The following MPP2 variants were observed in gnomAD, a reference collection of about 807,000 sequenced individuals.
MPP2 encodes MAGUK p55 subfamily member 2.
Under a neutral mutation model 58.5 loss-of-function variants are expected in MPP2, and 42 were observed. The ratio of observed to expected loss-of-function variants is 0.72; its 90% CI spans 0.56 to 0.93. MPP2 has a LOEUF of 0.93. Among genes scored for constraint, MPP2 ranks in the 40% least tolerant of loss-of-function variants. The pLI, the probability that MPP2 is intolerant of heterozygous loss-of-function variation, is 0.00. For missense variants in MPP2, 632 were observed against 760.4 expected, an observed-to-expected ratio of 0.83 and a Z score of 1.99; for synonymous variants, 300 against 307.8, an observed-to-expected ratio of 0.97 and a Z score of 0.26.
At chr17:43,903,408 C>T (rs531011336) in intron 2 of MPP2, among the ~76,000 whole-genome samples, 45 of 152,288 alleles carry the variant, frequency 3.0e-4, no homozygotes, top group African/African-American at 1.0e-3. Context: ...AAAATAACAA[C>T]TCAGGCCAGG....
chr17:43,877,051 T>A lies in MPP2; in HGVS notation c.*756A>T, dbSNP rs567914846. The A allele has an allele frequency of 6.5e-6, 1 of 152,878 alleles. No homozygotes were observed. Among genetic ancestry groups the A allele is most frequent in the African/African-American group, 2.4e-5 (1 of 41,604 alleles). 9.5% of individuals were successfully genotyped at this position (152,878 alleles called of 1,614,324 possible). On this transcript the variant is annotated 3_prime_UTR_variant, in exon 13 of 13. Transcript: ENST00000269095. The stretch of plus-strand genomic sequence containing the variant: ...CTGCCCCTACCTGGGCTGAGCCCAC[T>A]GGCCCCTGCCAGCCTGGCCCTGTGG...
rs374802065 is a variant in MPP2 at position 43,877,876 on chromosome 17, G to T, written c.1590C>A (p.Arg530=). ...GCTTCTCCATGGCTGTCTGGAGCTC[G>T]CGGAAGGTCCTCTCCAGGTTGCTAT... is the stretch of plus-strand genomic sequence containing the variant. ...LVNSNLERTF[R]ELQTAMEKLR... is the part of the protein sequence containing the mutation. Residue 530 remains arginine (R), a synonymous_variant, in exon 13 of 13, where the codon CGC becomes CGA. Coordinates refer to ENST00000269095, the MANE Select transcript of MPP2 (RefSeq NM_005374.5). The T allele has an allele frequency of 6.8e-6, 11 of 1,614,048 alleles. No individual in the cohort carries two copies. Among genetic ancestry groups the T allele is most frequent in the Non-Finnish European group, 9.3e-6 (11 of 1,179,936 alleles).
Position 43,879,645 on chromosome 17 carries a change from C to T in MPP2, c.1353+137G>A, listed in dbSNP as rs1393005679. Reference sequence around the variant, plus strand: ...AAGGCTGAGAAAGGTTCCAGGTGGGCTGGGTTTCTAGCAGTAGTTGAGGGC... The same window carrying T: ...AAGGCTGAGAAAGGTTCCAGGTGGGTTGGGTTTCTAGCAGTAGTTGAGGGC... On this transcript the variant is annotated intron_variant, in intron 11 of 12. Transcript: ENST00000269095. The surrounding 1 kb of genome is among the most constrained non-coding windows in gnomAD (Gnocchi z 4.1). 1 of 1,107,486 alleles carries T rather than the reference C, an allele frequency of 9.0e-7. No individual in the cohort carries two copies. Among genetic ancestry groups the T allele is most frequent in the East Asian group, 2.6e-5 (1 of 38,674 alleles). The allele number at this position is 1,107,486 out of a possible 1,614,324, so 68.6% of individuals were successfully genotyped here.
At chr17:43,907,690 G>A, upstream of MPP2, 1 of 985,710 alleles carries the variant, frequency 1.0e-6, no homozygotes, top group Non-Finnish European at 1.2e-6. Flanking sequence ...CAGCCAGGTA[G>A]TGGTTTGGGA....
At chr17:43,907,593 G>T, upstream of MPP2, 1 of 985,564 alleles carries the variant, frequency 1.0e-6, no homozygotes, top group Non-Finnish European at 1.2e-6. Flanking sequence ...CGAGGGGGCG[G>T]AGGTCCGGAG....
rs2046927765 is a variant in MPP2 at position 43,878,075 on chromosome 17, C to T, written c.1483-92G>A. On this transcript the variant is annotated intron_variant, in intron 12 of 12. Coordinates refer to ENST00000269095, the MANE Select transcript of MPP2 (RefSeq NM_005374.5). ...CTACAGCTGCCCCCACTCCCCCTCC[C>T]CAAAGCCCAACCCTGGTGTGGACTC... The T allele has an allele frequency of 2.1e-6, 3 of 1,395,850 alleles. No individual in the cohort carries two copies. The South Asian group carries it at 4.1e-5, about 19-fold the overall frequency. 86.5% of individuals were successfully genotyped at this position (1,395,850 alleles called of 1,614,324 possible).
At chr17:43,884,120 G>C in intron 3 of MPP2, 1 of 702,728 alleles carries the variant, frequency 1.4e-6, no homozygotes, top group Non-Finnish European at 2.6e-6. Context: ...TAGGAACAAA[G>C]ACATTCTGCT....
chr17:43,904,517 G>C (rs972053718), intron 1 of MPP2, 24 bp from the exon 2 acceptor site: 2 of 1,608,994 alleles, frequency 1.2e-6, no homozygotes. Flanking sequence ...AGAGGAGGAT[G>C]AGCAGATACA....
At chr17:43,896,952 T>C (rs1426754682) in intron 3 of MPP2, among the ~76,000 whole-genome samples, 2 of 151,902 alleles carry the variant, frequency 1.3e-5, no homozygotes, top group Admixed American at 1.3e-4. Context: ...CCTTCCACAC[T>C]CCCTGGGGCA....
At chr17:43,889,280 A>C (rs1271898468) in intron 3 of MPP2, among the ~76,000 whole-genome samples, 1 of 151,804 alleles carries the variant, frequency 6.6e-6, no homozygotes, top group Non-Finnish European at 1.5e-5. Flanking sequence ...CACCACCCAA[A>C]CTAAAAAACA....
In MPP2 at chr17:43,877,709, G is replaced by C. The variant is rs1479750651; in HGVS notation, c.*98C>G. On this transcript the variant is annotated 3_prime_UTR_variant, in exon 13 of 13. Coordinates refer to ENST00000269095, the MANE Select transcript of MPP2 (RefSeq NM_005374.5). Reference sequence around the variant, plus strand: ...TGTTACCCAAGGACAGCCAGATATGGGGGCTAAGGATTGTGGCAGGGGGTC... The same window carrying C: ...TGTTACCCAAGGACAGCCAGATATGCGGGCTAAGGATTGTGGCAGGGGGTC... The C allele has an allele frequency of 9.3e-7, 1 of 1,072,640 alleles. No individual in the cohort carries two copies. The highest frequency in any genetic ancestry group is 1.4e-6 in the Non-Finnish European group (1 of 720,144). The allele number at this position is 1,072,640 out of a possible 1,614,324, so 66.4% of individuals were successfully genotyped here. A position where few individuals can be genotyped will look rare whatever the true frequency, so the allele number is the denominator to read the frequency against.
intron 3 of MPP2, among the ~76,000 whole-genome samples, chr17:43,893,760 C>A (rs986011129): frequency 2.0e-5 from 3 of 152,162 alleles, no homozygotes; most frequent in Non-Finnish European, 4.4e-5. Context: ...AAAACCACCC[C>A]CCTCACCCTG....
At position 43,881,229 on chromosome 17, in the gene MPP2, G is replaced by C. The variant is rs1257673002; in HGVS notation, c.919+15C>G. On this transcript the variant is annotated intron_variant, in intron 8 of 12. Coordinates refer to ENST00000269095, the MANE Select transcript of MPP2 (RefSeq NM_005374.5). ...GATCCCAGATTGGAGGTGTGGGGTA[G>C]GGGGGACCTCCTACCTGAGTTTGGT... The C allele has an allele frequency of 6.2e-7, 1 of 1,613,136 alleles. No homozygotes were observed. Among genetic ancestry groups the C allele is most frequent in the Non-Finnish European group, 8.5e-7 (1 of 1,179,244 alleles).
At chr17:43,906,804 G>A (rs376291777) in intron 1 of MPP2, among the ~76,000 whole-genome samples, 20 of 152,132 alleles carry the variant, frequency 1.3e-4, no homozygotes, top group Middle Eastern at 3.4e-3. Flanking sequence ...CGGAGACCAG[G>A]GATGAGGTCA....
At chr17:43,885,331 A>T (rs1246370023) in intron 3 of MPP2, among the ~76,000 whole-genome samples, 1 of 152,028 alleles carries the variant, frequency 6.6e-6, no homozygotes, top group African/African-American at 2.4e-5. Flanking sequence ...ACATGTTCCC[A>T]TCAGTCCTTG....
At chr17:43,898,575 G>A (rs1361979147) in intron 2 of MPP2, among the ~76,000 whole-genome samples, 195 bp from the exon 3 acceptor site, 1 of 152,166 alleles carries the variant, frequency 6.6e-6, no homozygotes, top group Non-Finnish European at 1.5e-5. Flanking sequence ...GGAGGAAGGG[G>A]ACAATTTCCT....
chr17:43,897,627 C>T (rs779330260), intron 3 of MPP2, among the ~76,000 whole-genome samples: 1 of 152,214 alleles, frequency 6.6e-6, no homozygotes, highest in Non-Finnish European at 1.5e-5. Flanking sequence ...CTCAGCCTCA[C>T]ACCAGCCCTT....
chr17:43,907,322 G>A, intron 1 of MPP2, 152 bp downstream of exon 1: 3 of 985,694 alleles, frequency 3.0e-6, no homozygotes, highest in Non-Finnish European at 3.6e-6. Context: ...GGGCCCAGGG[G>A]CGGGGGCGGG....
At chr17:43,883,515 T>G (rs76123413) in intron 3 of MPP2, 160 bp from the exon 4 acceptor site, 23 of 671,012 alleles carry the variant, frequency 3.4e-5, no homozygotes, top group East Asian at 3.2e-4. Flanking sequence ...CACGTGCACA[T>G]GCATTCCTTG....
Sources: gnomAD v4.1 joint callset for allele counts (sites outside exome capture counted in the v4.1 genomes callset) on GRCh38, gnomAD v4.1.1 for gene constraint, Gnocchi (gnomAD v3.1) non-coding constraint, MANE v1.5 for transcripts, NCBI Gene and HGNC (gene_info 2026-07-23, HGNC 2026-07-21) for gene names.